Variants in ZNF804B observed in about 807,000 individuals in gnomAD.
ZNF804B encodes the protein zinc finger 804B.
In ZNF804B, 80 loss-of-function variants were observed where a neutral mutation model predicts 101.4. That is an observed-to-expected ratio of 0.79 (90% CI 0.66 to 0.95). The LOEUF is 0.95. Ranked by LOEUF, ZNF804B falls within the 40% of genes least tolerant of loss-of-function variation. The pLI, the probability that ZNF804B is intolerant of heterozygous loss-of-function variation, is 0.00. For missense variants in ZNF804B, 1,673 were observed against 1,561.9 expected (o/e 1.07, Z -1.20); for synonymous variants, 622 against 558.8 (o/e 1.11, Z -1.59).
At chr7:88,990,692 T>C (rs950973583) in intron 1 of ZNF804B, among the ~76,000 whole-genome samples, 12 of 152,098 alleles carry the variant, frequency 7.9e-5, no homozygotes, top group Admixed American at 5.2e-4. Flanking sequence ...AGGTGAAGAA[T>C]TTTCTAGTGA....
intron 1 of ZNF804B, among the ~76,000 whole-genome samples, chr7:89,008,116 A>G (rs558475509): frequency 2.6e-5 from 4 of 152,294 alleles, no homozygotes; most frequent in African/African-American, 7.2e-5. Flanking sequence ...CAGATAGTCT[A>G]TCAGACAGCT....
intron 1 of ZNF804B, among the ~76,000 whole-genome samples, chr7:88,874,917 C>T: frequency 7.0e-6 from 1 of 143,632 alleles, no homozygotes; most frequent in East Asian, 2.0e-4. Flanking sequence ...AAGTAAAGCT[C>T]TCCTCAGCAA....
intron 1 of ZNF804B, among the ~76,000 whole-genome samples, chr7:89,031,310 C>T (rs1788830714): frequency 1.3e-5 from 2 of 151,434 alleles, no homozygotes; most frequent in Admixed American, 1.3e-4. Context: ...GACTCAATTA[C>T]CCTTTGCGCA....
intron 2 of ZNF804B, among the ~76,000 whole-genome samples, chr7:89,321,773 A>G (rs1790824898): frequency 9.1e-6 from 1 of 110,462 alleles, no homozygotes; most frequent in African/African-American, 4.3e-5. Context: ...ATCCTGAATG[A>G]ATAAAAACAC....
chr7:88,977,040 G>T lies in ZNF804B; in HGVS notation c.108+216956G>T, dbSNP rs142343948. ...GTTGATACGATGTATCACATTGATT[G>T]ATTTGTGTATGTTGAACCATTCTTA... On this transcript the variant is annotated intron_variant, in intron 1 of 3. Coordinates refer to ENST00000333190, the MANE Select transcript of ZNF804B (RefSeq NM_181646.5). Among the ~76,000 whole-genome samples the T allele has an allele frequency of 3.3e-3, 496 of 151,892 alleles. 2 individuals are homozygous for T. The highest frequency in any genetic ancestry group is 5.0e-3 in the Non-Finnish European group (339 of 67,812).
intron 2 of ZNF804B, among the ~76,000 whole-genome samples, chr7:89,260,665 T>C (rs1413283768): frequency 1.3e-5 from 2 of 152,178 alleles, no homozygotes; most frequent in African/African-American, 4.8e-5. Context: ...AAGCTATGTT[T>C]TCAGTAAACG....
At chr7:89,033,449 T>C (rs1190608467) in intron 1 of ZNF804B, among the ~76,000 whole-genome samples, 3 of 152,152 alleles carry the variant, frequency 2.0e-5, no homozygotes, top group Non-Finnish European at 4.4e-5. Context: ...TTTGACCAAC[T>C]GGTTTCAAAT....
chr7:89,298,874 C>T (rs879353570), intron 2 of ZNF804B, among the ~76,000 whole-genome samples: 18 of 151,412 alleles, frequency 1.2e-4, no homozygotes, highest in Middle Eastern at 3.4e-3. Context: ...TGAAAGTTGC[C>T]AGTTCTAAAG....
intron 2 of ZNF804B, among the ~76,000 whole-genome samples, chr7:89,274,136 CTTTTT>C (rs1789939971): frequency 1.5e-5 from 2 of 129,806 alleles, no homozygotes. Context: ...TTTTTTTTTT[CTTTTT>C]ATTTTATTTT....
chr7:89,161,481 A>C (rs2116420189), intron 1 of ZNF804B, among the ~76,000 whole-genome samples: 1 of 107,238 alleles, frequency 9.3e-6, no homozygotes, highest in African/African-American at 3.1e-5. Flanking sequence ...TTTAACTTGG[A>C]AGTGGTGAAA....
chr7:89,310,094 A>G (rs1413686709), intron 2 of ZNF804B, among the ~76,000 whole-genome samples: 1 of 152,062 alleles, frequency 6.6e-6, no homozygotes, highest in Non-Finnish European at 1.5e-5. Context: ...GCAAAAAAAA[A>G]AAAAAAGAGT....
intron 1 of ZNF804B, among the ~76,000 whole-genome samples, chr7:88,813,181 A>T (rs1426998430): frequency 6.6e-6 from 1 of 152,132 alleles, no homozygotes; most frequent in Non-Finnish European, 1.5e-5. Flanking sequence ...TAATACCAGC[A>T]CTTTGGGATG....
At chr7:88,848,817 A>G (rs1340146683) in intron 1 of ZNF804B, among the ~76,000 whole-genome samples, 1 of 152,096 alleles carries the variant, frequency 6.6e-6, no homozygotes, top group African/African-American at 2.4e-5. Context: ...GCCATGAGGC[A>G]GGAAAGTTTA....
intron 1 of ZNF804B, among the ~76,000 whole-genome samples, chr7:89,156,049 T>G (rs1371514773): frequency 8.0e-5 from 5 of 62,428 alleles, no homozygotes; most frequent in Non-Finnish European, 2.1e-4. Context: ...TCTTTCTTTC[T>G]TTCTTTCTTT....
At chr7:89,069,041 G>A (rs1789496988) in intron 1 of ZNF804B, among the ~76,000 whole-genome samples, 1 of 152,202 alleles carries the variant, frequency 6.6e-6, no homozygotes, top group Non-Finnish European at 1.5e-5. Context: ...AAAAGCATGA[G>A]CAGGTACTCT....
chr7:89,083,232 C>A (rs575352481), intron 1 of ZNF804B, among the ~76,000 whole-genome samples: 48 of 151,890 alleles, frequency 3.2e-4, no homozygotes, highest in Middle Eastern at 6.8e-3. Flanking sequence ...GTTATGGAAT[C>A]TATTTTTACA....
chr7:89,254,213 C>T (rs1480325732), intron 2 of ZNF804B, among the ~76,000 whole-genome samples: 1 of 151,912 alleles, frequency 6.6e-6, no homozygotes, highest in Non-Finnish European at 1.5e-5. Context: ...ACTATATCTA[C>T]AAAACATAAA....
chr7:89,077,996 C>T (rs1264323691), intron 1 of ZNF804B, among the ~76,000 whole-genome samples: 1 of 151,934 alleles, frequency 6.6e-6, no homozygotes. Context: ...TTCTGTAATA[C>T]ATAAATAAGG....
At chr7:88,872,674 G>A (rs963276682) in intron 1 of ZNF804B, among the ~76,000 whole-genome samples, 4 of 150,194 alleles carry the variant, frequency 2.7e-5, no homozygotes, top group African/African-American at 9.8e-5. Context: ...CTGTGTCCAT[G>A]TGTTCTCATT....
Sources: allele counts gnomAD v4.1 joint callset (sites outside exome capture counted in the v4.1 genomes callset), GRCh38; gene constraint gnomAD v4.1.1; transcripts MANE v1.5; gene names NCBI Gene and HGNC (gene_info 2026-07-23, HGNC 2026-07-21).